The following RNF115 variants were observed in gnomAD, a reference collection of about 807,000 sequenced individuals.
RNF115 encodes the protein ring finger protein 115, also known as E3 ubiquitin-protein ligase RNF115.
In RNF115, 31 loss-of-function variants were observed where a neutral mutation model predicts 39.2. That is an observed-to-expected ratio of 0.79 (90% CI 0.59 to 1.07). The LOEUF (loss-of-function observed/expected upper bound fraction) is 1.07, where lower values mean the gene tolerates loss of function less well. Among genes scored for constraint, RNF115 ranks in the 50% least tolerant of loss-of-function variants. The pLI, the probability that RNF115 is intolerant of heterozygous loss-of-function variation, is 0.00. For missense variants in RNF115, 384 were observed against 381.7 expected (o/e 1.01, Z -0.05); for synonymous variants, 124 against 131.0 (o/e 0.95, Z 0.37).
At chr1:145,791,606 T>TTG (rs1648671784) in intron 1 of RNF115, among the ~76,000 whole-genome samples, 1 of 152,072 alleles carries the variant, frequency 6.6e-6, no homozygotes, top group African/African-American at 2.4e-5. Context: ...AATATTTCTA[T>TTG]TCTATCTTCT....
At chr1:145,747,512 G>A (rs1204699423) in intron 8 of RNF115, among the ~76,000 whole-genome samples, 1 of 152,104 alleles carries the variant, frequency 6.6e-6, no homozygotes, top group Non-Finnish European at 1.5e-5. Context: ...GCATGGTGGT[G>A]CACGCCTGTA....
chr1:145,783,723 TA>T (rs1208925965), intron 3 of RNF115, among the ~76,000 whole-genome samples: 2 of 152,294 alleles, frequency 1.3e-5, no homozygotes, highest in Non-Finnish European at 2.9e-5. Flanking sequence ...CAGTGTTTTT[TA>T]TAGGCTGACT....
At chr1:145,767,203 C>A (rs1258623559) in intron 4 of RNF115, among the ~76,000 whole-genome samples, 1 of 151,672 alleles carries the variant, frequency 6.6e-6, no homozygotes, top group Non-Finnish European at 1.5e-5. Flanking sequence ...GGAGACGCTC[C>A]TCACTTCCCA....
At chr1:145,747,030 T>C in intron 8 of RNF115, 33 bp from the exon 9 acceptor site, 1 of 1,588,082 alleles carries the variant, frequency 6.3e-7, no homozygotes, top group Non-Finnish European at 8.6e-7. Context: ...TATGTGAAGA[T>C]CCTGGCCTGA....
At chr1:145,763,437 C>T (rs1263806917) in intron 4 of RNF115, among the ~76,000 whole-genome samples, 8 of 152,212 alleles carry the variant, frequency 5.3e-5, no homozygotes, top group African/African-American at 7.2e-5. Flanking sequence ...GTGGCTCACG[C>T]CTGTAATCCC....
chr1:145,747,125 T>G (rs1657906138), intron 8 of RNF115, 128 bp from the exon 9 acceptor site: 3 of 937,886 alleles, frequency 3.2e-6, no homozygotes, highest in Non-Finnish European at 4.9e-6. Flanking sequence ...CAATAGAGAA[T>G]GCATCCTCAT....
intron 1 of RNF115, among the ~76,000 whole-genome samples, chr1:145,820,440 T>C (rs1650184677): frequency 6.6e-6 from 1 of 150,780 alleles, no homozygotes; most frequent in Non-Finnish European, 1.5e-5. Flanking sequence ...TCTGTCTCTA[T>C]TTAAAAAGAA....
chr1:145,786,982 C>CATT, intron 2 of RNF115: 1 of 986,574 alleles, frequency 1.0e-6, no homozygotes, highest in East Asian at 6.0e-5. Flanking sequence ...AATCACCAAT[C>CATT]ATTAGTAAAG....
intron 1 of RNF115, among the ~76,000 whole-genome samples, chr1:145,806,963 C>T (rs1349408519): frequency 6.6e-6 from 1 of 152,228 alleles, no homozygotes; most frequent in African/African-American, 2.4e-5. Context: ...CGCCACTGCG[C>T]CCAGCCGTAA....
Position 145,788,962 on chromosome 1 carries a change from T to C in RNF115, c.107A>G (p.Tyr36Cys), listed in dbSNP as rs1553718535. 6.3e-7 allele frequency: 1 copy of C among 1,586,232 alleles called. No individual in the cohort carries two copies. The highest frequency in any genetic ancestry group is 8.6e-7 in the Non-Finnish European group (1 of 1,158,902). ...KGEVSPKLPEYICPRCESGFI... is the reference protein window; with the variant it reads ...KGEVSPKLPECICPRCESGFI... ...GCCTGATTCACATCTGGGACATATA[T>C]ATTCCTATAAAAGAAAGGAAGAAAC... The change falls in exon 2 of 9, where the codon TAT becomes TGT. Residue 36 changes from tyrosine to cysteine, a missense_variant. Coordinates refer to ENST00000582693, the MANE Select transcript of RNF115 (RefSeq NM_014455.4).
intron 1 of RNF115, among the ~76,000 whole-genome samples, chr1:145,798,852 C>T (rs12402867): frequency 0.29 from 44,187 of 151,840 alleles, 7,299 homozygotes; most frequent in Non-Finnish European, 0.37. Flanking sequence ...CAGTATTTTA[C>T]GGTTTTTAAT....
At chr1:145,755,169 G>A (rs185589905) in intron 4 of RNF115, among the ~76,000 whole-genome samples, 444 of 151,952 alleles carry the variant, frequency 2.9e-3, no homozygotes, top group African/African-American at 9.9e-3. Context: ...TTGAACCCAG[G>A]AGGAGGAGGT....
chr1:145,799,137 G>A (rs587662506), intron 1 of RNF115, among the ~76,000 whole-genome samples: 9 of 151,068 alleles, frequency 6.0e-5, no homozygotes, highest in Non-Finnish European at 1.3e-4. Context: ...GCGCAATCTC[G>A]GCTCACTGCA....
intron 1 of RNF115, 76 bp from the exon 2 acceptor site, chr1:145,789,042 T>C (rs1208170439): frequency 1.1e-6 from 1 of 891,048 alleles, no homozygotes. Context: ...CAGAATAACA[T>C]GCAGTATACA....
At chr1:145,747,385 C>T (rs917793220) in intron 8 of RNF115, among the ~76,000 whole-genome samples, 1 of 152,170 alleles carries the variant, frequency 6.6e-6, no homozygotes, top group African/African-American at 2.4e-5. Flanking sequence ...AGTGCAGTGG[C>T]TCACACCTGT....
chr1:145,751,224 C>T (rs1171245000), intron 6 of RNF115, among the ~76,000 whole-genome samples: 2 of 152,166 alleles, frequency 1.3e-5, no homozygotes, highest in African/African-American at 2.4e-5. Flanking sequence ...GGAGGTGAAA[C>T]CATCTTCTAG....
chr1:145,803,977 C>T (rs1175973817), intron 1 of RNF115, among the ~76,000 whole-genome samples: 2 of 152,126 alleles, frequency 1.3e-5, no homozygotes, highest in Non-Finnish European at 2.9e-5. Context: ...CTTGCTCACA[C>T]TAAAGGCAGC....
rs1403301325 is a variant in RNF115 at position 145,802,494 on chromosome 1, T to C, written c.103-13528A>G. Among the ~76,000 whole-genome samples, 5 of 152,236 alleles carry C rather than the reference T, an allele frequency of 3.3e-5. 1 individual carries two copies. The highest frequency in any genetic ancestry group is 7.3e-5 in the Non-Finnish European group (5 of 68,034). On this transcript the variant is annotated intron_variant, in intron 1 of 8. Coordinates refer to ENST00000582693, the MANE Select transcript of RNF115 (RefSeq NM_014455.4). ...CCTATTTATATCAGGTCACATAATG[T>C]GAAATTTAAATACTCTTGAAACCTA...
chr1:145,819,388 G>A (rs1650134784), intron 1 of RNF115, among the ~76,000 whole-genome samples: 1 of 132,898 alleles, frequency 7.5e-6, no homozygotes, highest in Admixed American at 8.2e-5. Flanking sequence ...AGTCGAGGCT[G>A]CAGCAGTGAG....
Sources: allele counts gnomAD v4.1 joint callset (sites outside exome capture counted in the v4.1 genomes callset), GRCh38; gene constraint gnomAD v4.1.1; transcripts MANE v1.5; gene names NCBI Gene and HGNC (gene_info 2026-07-23, HGNC 2026-07-21).